The following TEX2 variants were observed in gnomAD, a reference collection of about 807,000 sequenced individuals.
The protein encoded by TEX2 is testis-expressed protein 2.
TEX2 carries 53 observed loss-of-function variants against 106.9 expected under a neutral mutation model. The observed-to-expected ratio is 0.50, with a 90% CI of 0.40 to 0.62. TEX2 has a LOEUF of 0.62. Among genes scored for constraint, TEX2 ranks in the 20% least tolerant of loss-of-function variants. The probability of loss-of-function intolerance (pLI) is 0.00; values close to 1 mark genes in which losing one functional copy is unlikely to be tolerated. For synonymous variants in TEX2, 523 were observed against 534.8 expected (o/e 0.98, Z 0.30); for missense variants, 1,207 against 1,379.0 (o/e 0.88, Z 1.98).
At chr17:64,223,648 C>T (rs1253745567) in intron 1 of TEX2, among the ~76,000 whole-genome samples, 2 of 149,092 alleles carry the variant, frequency 1.3e-5, no homozygotes, top group African/African-American at 2.5e-5. Flanking sequence ...GGGAAGAAAG[C>T]AAATTTCATT....
In TEX2 at chr17:64,212,739, G is replaced by C. The variant is rs782044568; in HGVS notation, c.1479C>G (p.His493Gln). 2.4e-5 allele frequency: 38 copies of C among 1,614,048 alleles called. No homozygotes were observed. Among genetic ancestry groups the C allele is most frequent in the Non-Finnish European group, 3.1e-5 (36 of 1,180,038 alleles). The stretch of plus-strand genomic sequence containing the variant: ...TTCCCAGAAAGAGTCCACTCACATA[G>C]TGGGGGAGGGGGAGGATGAGGTACA... The part of the protein sequence containing the change: ...VYVYLILPLP[H>Q]YVSGLFLGIG... The change falls in exon 2 of 12, where the codon CAC (histidine) becomes CAG (glutamine). Residue 493 changes from histidine (H) to glutamine (Q), a missense_variant. By Grantham distance (24) the His-to-Gln change is conservative. Around this residue, in one of 3 missense-constraint regions of TEX2, gnomAD observed 1,067 missense variants for 1,193.6 expected, o/e 0.89. Coordinates refer to ENST00000584379, the MANE Select transcript of TEX2 (RefSeq NM_001288732.2).
chr17:64,174,088 C>T (rs1274354620), intron 6 of TEX2, among the ~76,000 whole-genome samples: 1 of 152,028 alleles, frequency 6.6e-6, no homozygotes, highest in East Asian at 1.9e-4. Context: ...CTCAAGATTT[C>T]CTCCACTTCG....
At chr17:64,154,598 C>T (rs1362452753) in intron 9 of TEX2, among the ~76,000 whole-genome samples, 1 of 152,222 alleles carries the variant, frequency 6.6e-6, no homozygotes, top group Non-Finnish European at 1.5e-5. Flanking sequence ...CACCCTTCAA[C>T]TTCTCTATTA....
chr17:64,171,889 G>A (rs1435458853), intron 6 of TEX2, among the ~76,000 whole-genome samples: 2 of 151,796 alleles, frequency 1.3e-5, no homozygotes, highest in Non-Finnish European at 2.9e-5. Flanking sequence ...GCTGAGGTGG[G>A]AGGATCACTT....
At chr17:64,219,611 G>A (rs1555633056) in intron 1 of TEX2, among the ~76,000 whole-genome samples, 1 of 152,092 alleles carries the variant, frequency 6.6e-6, no homozygotes, top group Non-Finnish European at 1.5e-5. Flanking sequence ...GGCAGCCAAA[G>A]CATGATGTAA....
intron 1 of TEX2, among the ~76,000 whole-genome samples, chr17:64,225,157 A>AGAGAATAT (rs2033470690): frequency 1.3e-5 from 2 of 152,266 alleles, no homozygotes; most frequent in South Asian, 4.1e-4. Context: ...TATGCAGAGA[A>AGAGAATAT]GAGAATATTG....
At chr17:64,240,206 G>C (rs549047449) in intron 1 of TEX2, among the ~76,000 whole-genome samples, 28 of 151,300 alleles carry the variant, frequency 1.9e-4, no homozygotes, top group South Asian at 2.1e-4. Flanking sequence ...TATATATACA[G>C]ATGTATATAA....
intron 1 of TEX2, among the ~76,000 whole-genome samples, chr17:64,232,873 T>C (rs1467768657): frequency 6.6e-6 from 1 of 152,226 alleles, no homozygotes; most frequent in African/African-American, 2.4e-5. Context: ...ATGGGTTCCT[T>C]TGCAGATGGC....
chr17:64,180,566 T>C (rs1270061811), intron 5 of TEX2, among the ~76,000 whole-genome samples: 1 of 152,200 alleles, frequency 6.6e-6, no homozygotes, highest in Non-Finnish European at 1.5e-5. Context: ...CCAACGAATG[T>C]CATAAAAATT....
In TEX2 at chr17:64,182,976, G is replaced by C. The variant is rs996796099; in HGVS notation, c.2424+5192C>G. 2.6e-5 allele frequency among the ~76,000 whole-genome samples: 4 copies of C among 151,794 alleles called. No homozygotes were observed. In the East Asian group the frequency reaches 7.7e-4, roughly 29 times the overall value. ...GCTGGAGTGCAGTGGTGTGATCTCG[G>C]CTCACTGCAACCTATGCCTCCTGAG... On this transcript the variant is annotated intron_variant, in intron 5 of 11. Coordinates refer to ENST00000584379, the MANE Select transcript of TEX2 (RefSeq NM_001288732.2).
intron 10 of TEX2, among the ~76,000 whole-genome samples, chr17:64,151,305 A>G (rs2030344306): frequency 1.3e-5 from 2 of 152,184 alleles, no homozygotes; most frequent in Admixed American, 1.3e-4. Context: ...GTATATGTAC[A>G]TTACAAAAAC....
At chr17:64,218,405 CTTTTTTTTTTTTT>C (rs10526886) in intron 1 of TEX2, among the ~76,000 whole-genome samples, 43 of 120,594 alleles carry the variant, frequency 3.6e-4, no homozygotes, top group Admixed American at 4.0e-4. Flanking sequence ...GACACTTTCA[CTTTTTTTTTTTTT>C]TTTTTTTTTT....
Position 64,210,634 on chromosome 17 carries a change from C to CTTTTTTTTT in TEX2, c.1644+1931_1644+1939dup, listed in dbSNP as rs58313195. On this transcript the variant is annotated intron_variant, in intron 2 of 11. Coordinates refer to ENST00000584379, the MANE Select transcript of TEX2 (RefSeq NM_001288732.2). The stretch of plus-strand genomic sequence containing the variant: ...TAAAAGAATTCTCCCCAACCCCCAG[C>CTTTTTTTTT]TTTTTTTTTTTTTTTTTTTTTTTTT... Among the ~76,000 whole-genome samples, 31 of 74,762 alleles carry CTTTTTTTTT rather than the reference C, an allele frequency of 4.1e-4. 2 individuals carry two copies. Among genetic ancestry groups the CTTTTTTTTT allele is most frequent in the African/African-American group, 1.6e-3 (28 of 17,330 alleles). The allele number at this position is 74,762 out of a possible 152,430, so 49.0% of individuals were successfully genotyped here. A position where few individuals can be genotyped will look rare whatever the true frequency, so the allele number is the denominator to read the frequency against.
At chr17:64,191,686 C>G (rs1305792036) in intron 4 of TEX2, among the ~76,000 whole-genome samples, 3 of 151,608 alleles carry the variant, frequency 2.0e-5, no homozygotes, top group Non-Finnish European at 2.9e-5. Context: ...GGCGTGATGG[C>G]GGGTGCCTGT....
intron 10 of TEX2, among the ~76,000 whole-genome samples, chr17:64,152,485 C>G (rs1418846233): frequency 6.6e-6 from 1 of 152,136 alleles, no homozygotes; most frequent in Non-Finnish European, 1.5e-5. Context: ...CCCTAACTTC[C>G]CAGACTCTGT....
chr17:64,255,966 C>T (rs533564297), intron 1 of TEX2: 1 of 152,148 alleles, frequency 6.6e-6, no homozygotes, highest in South Asian at 2.1e-4. Flanking sequence ...ACAGCTGCTT[C>T]CGGTCCACCT....
chr17:64,203,312 G>C lies in TEX2; in HGVS notation c.1645-8217C>G, dbSNP rs1016501547. Among the ~76,000 whole-genome samples the C allele has an allele frequency of 2.0e-5, 3 of 152,220 alleles. No homozygotes were observed. In the South Asian group the frequency reaches 6.2e-4, roughly 32 times the overall value. On this transcript the variant is annotated intron_variant, in intron 2 of 11. Coordinates refer to ENST00000584379, the MANE Select transcript of TEX2 (RefSeq NM_001288732.2). ...GGCATTTCAGTCCACCTGTCATTCA[G>C]ATCCCTGTATCATTGCTTCATCAAG...
At chr17:64,216,360 T>C (rs2033185268) in intron 1 of TEX2, among the ~76,000 whole-genome samples, 2 of 152,376 alleles carry the variant, frequency 1.3e-5, no homozygotes, top group South Asian at 2.1e-4. Context: ...AGTTTGGTAT[T>C]TGATAATTCT....
intron 7 of TEX2, among the ~76,000 whole-genome samples, chr17:64,166,502 C>T (rs1164574219): frequency 6.6e-6 from 1 of 152,210 alleles, no homozygotes; most frequent in Non-Finnish European, 1.5e-5. Context: ...GGGCAAGTCA[C>T]CCCTCTCTGG....
Sources: allele counts gnomAD v4.1 joint callset (sites outside exome capture counted in the v4.1 genomes callset), GRCh38; gene constraint gnomAD v4.1.1; regional missense constraint gnomAD v4.1.1; transcripts MANE v1.5; gene names NCBI Gene and HGNC (gene_info 2026-07-23, HGNC 2026-07-21).